CTNNA2: variants seen among roughly 807,000 people sequenced by gnomAD.
CTNNA2 encodes the protein catenin alpha 2.
Under a neutral mutation model 101.0 loss-of-function variants are expected in CTNNA2, and 42 were observed. The ratio of observed to expected loss-of-function variants is 0.42; its 90% CI spans 0.32 to 0.54. The LOEUF is 0.54. Ranked by LOEUF, CTNNA2 falls within the 20% of genes least tolerant of loss-of-function variation. The pLI is 0.14. For synonymous variants in CTNNA2, 450 were observed against 456.4 expected, an observed-to-expected ratio of 0.99 and a Z score of 0.18; for missense variants, 871 against 1,223.1, an observed-to-expected ratio of 0.71 and a Z score of 4.29.
intron 3 of CTNNA2, among the ~76,000 whole-genome samples, chr2:79,797,437 G>A (rs1021457008): frequency 6.6e-6 from 1 of 151,970 alleles, no homozygotes; most frequent in Non-Finnish European, 1.5e-5. Context: ...AAGGCGGGTG[G>A]ATCACAAAGT....
At chr2:80,532,579 T>C (rs1257768116) in intron 9 of CTNNA2, among the ~76,000 whole-genome samples, 1 of 152,232 alleles carries the variant, frequency 6.6e-6, no homozygotes, top group East Asian at 1.9e-4. Flanking sequence ...AATCTCTTAC[T>C]GTTCCCAGGT....
chr2:79,513,534 G>A (rs1047346072), intron 1 of CTNNA2, among the ~76,000 whole-genome samples: 5 of 152,038 alleles, frequency 3.3e-5, no homozygotes, highest in African/African-American at 1.2e-4. Context: ...GTGGGAGGGT[G>A]GGAGCATCCC....
At position 79,731,523 on chromosome 2, in the gene CTNNA2, C is replaced by A. The variant is rs142643381; in HGVS notation, c.103-12864C>A. Among the ~76,000 whole-genome samples the A allele has an allele frequency of 7.3e-3, 1,114 of 152,140 alleles. 10 individuals carry two copies. Among genetic ancestry groups the A allele is most frequent in the African/African-American group, 0.026 (1,065 of 41,538 alleles). ...GATGTGATAGCTTGTGGCTACCCAC[C>A]AGAACTATTTGTGCTAGAGAGATGT... On this transcript the variant is annotated intron_variant, in intron 2 of 18. Transcript: ENST00000402739.
At chr2:79,326,908 G>C (rs1452112041) in intron 3 of CTNNA2, among the ~76,000 whole-genome samples, 1 of 152,206 alleles carries the variant, frequency 6.6e-6, no homozygotes, top group Non-Finnish European at 1.5e-5. Flanking sequence ...TAACCACATA[G>C]TGGGGAGGCT....
intron 1 of CTNNA2, among the ~76,000 whole-genome samples, chr2:79,523,058 A>G (rs1672205897): frequency 1.3e-5 from 2 of 152,190 alleles, no homozygotes; most frequent in South Asian, 4.1e-4. Flanking sequence ...TACAGCTGAG[A>G]TCATAGGTAT....
At chr2:80,343,172 G>A (rs2149282048) in intron 7 of CTNNA2, among the ~76,000 whole-genome samples, 1 of 152,242 alleles carries the variant, frequency 6.6e-6, no homozygotes, top group East Asian at 1.9e-4. Flanking sequence ...GGTACCAGAG[G>A]TTATGACTTC....
chr2:79,582,419 A>G (rs1676204788), intron 1 of CTNNA2, among the ~76,000 whole-genome samples: 1 of 152,228 alleles, frequency 6.6e-6, no homozygotes, highest in African/African-American at 2.4e-5. Flanking sequence ...AAACTTTACC[A>G]TGTTTTAGAT....
At chr2:79,726,946 A>G (rs1006770835) in intron 2 of CTNNA2, among the ~76,000 whole-genome samples, 1 of 152,230 alleles carries the variant, frequency 6.6e-6, no homozygotes, top group Non-Finnish European at 1.5e-5. Flanking sequence ...AAATAGTCTA[A>G]TTAGGCAATC....
At chr2:79,962,794 G>A (rs906453664) in intron 7 of CTNNA2, among the ~76,000 whole-genome samples, 1 of 152,086 alleles carries the variant, frequency 6.6e-6, no homozygotes, top group Non-Finnish European at 1.5e-5. Flanking sequence ...AAAATTGGCC[G>A]GGCGCGGTGG....
intron 9 of CTNNA2, among the ~76,000 whole-genome samples, chr2:80,433,213 A>G (rs1171601492): frequency 6.6e-6 from 1 of 152,048 alleles, no homozygotes; most frequent in East Asian, 2.0e-4. Context: ...CCAAATTGGC[A>G]CACTTTTCCT....
At chr2:79,505,047 C>T (rs1671382565) in intron 4 of CTNNA2, 2 of 152,326 alleles carry the variant, frequency 1.3e-5, no homozygotes, top group Middle Eastern at 3.4e-3. Context: ...CTTTCTCTTT[C>T]TGGTAGCACC....
At chr2:79,826,667 T>C (rs1678461303) in intron 3 of CTNNA2, among the ~76,000 whole-genome samples, 1 of 152,236 alleles carries the variant, frequency 6.6e-6, no homozygotes, top group Non-Finnish European at 1.5e-5. Flanking sequence ...CATGCTTCTA[T>C]GAGAAGTTTA....
At chr2:80,533,228 G>C (rs186970659) in intron 9 of CTNNA2, among the ~76,000 whole-genome samples, 1 of 152,162 alleles carries the variant, frequency 6.6e-6, no homozygotes, top group East Asian at 1.9e-4. Flanking sequence ...GTTTGGAAGA[G>C]ATCTATTTCT....
At chr2:80,074,723 C>T (rs571742455) in intron 7 of CTNNA2, among the ~76,000 whole-genome samples, 1 of 152,290 alleles carries the variant, frequency 6.6e-6, no homozygotes, top group South Asian at 2.1e-4. Context: ...AGATGAGGTT[C>T]AAATGGTCTA....
At chr2:80,561,583 A>G (rs1693597445) in intron 12 of CTNNA2, among the ~76,000 whole-genome samples, 1 of 152,192 alleles carries the variant, frequency 6.6e-6, no homozygotes, top group South Asian at 2.1e-4. Flanking sequence ...GGTCTGTGCT[A>G]CAGGTGGGGA....
At position 80,370,695 on chromosome 2, in the gene CTNNA2, T is replaced by C. The variant is rs532723543; in HGVS notation, c.1057-22516T>C. On this transcript the variant is annotated intron_variant, in intron 7 of 18. Coordinates refer to ENST00000402739, the MANE Select transcript of CTNNA2 (RefSeq NM_001282597.3). ...ACAAAGAAGAAAATGGCAAATAAGA[T>C]AAAGATATTCTGGCTTTTCACTATA... Among the ~76,000 whole-genome samples the C allele has an allele frequency of 2.0e-5, 3 of 152,314 alleles. No homozygotes were observed. In the South Asian group the frequency reaches 6.2e-4, roughly 32 times the overall value.
At chr2:79,630,331 C>T (rs373020051) in intron 1 of CTNNA2, among the ~76,000 whole-genome samples, 4 of 152,330 alleles carry the variant, frequency 2.6e-5, no homozygotes, top group South Asian at 2.1e-4. Flanking sequence ...TGTTGTTACT[C>T]AGTCACCTCT....
chr2:80,027,400 CTG>C (rs1694996545), intron 7 of CTNNA2, among the ~76,000 whole-genome samples: 1 of 152,206 alleles, frequency 6.6e-6, no homozygotes, highest in Non-Finnish European at 1.5e-5. Context: ...CTCTTAAAGA[CTG>C]TGGTTAGACA....
At chr2:79,458,358 C>T (rs1164285623) in intron 4 of CTNNA2, among the ~76,000 whole-genome samples, 1 of 152,104 alleles carries the variant, frequency 6.6e-6, no homozygotes, top group African/African-American at 2.4e-5. Context: ...ATATAATTCC[C>T]TGATGTTGCT....
Sources: gnomAD v4.1 joint callset for allele counts (sites outside exome capture counted in the v4.1 genomes callset) on GRCh38, gnomAD v4.1.1 for gene constraint, MANE v1.5 for transcripts, NCBI Gene and HGNC (gene_info 2026-07-23, HGNC 2026-07-21) for gene names.